The following GPR158 variants were observed in gnomAD, a reference collection of about 807,000 sequenced individuals.
GPR158 encodes the protein G protein-coupled receptor 158, also known as metabotropic glycine receptor.
A neutral mutation model predicts 78.2 loss-of-function variants in GPR158; 30 were observed. That is an observed-to-expected ratio of 0.38 (90% CI 0.29 to 0.52). The LOEUF (loss-of-function observed/expected upper bound fraction) is 0.52. GPR158 is among the 20% of genes least tolerant of loss of function. The probability of loss-of-function intolerance (pLI) is 0.83; values close to 1 mark genes in which losing one functional copy is unlikely to be tolerated. For synonymous variants in GPR158, 581 were observed against 591.1 expected, an observed-to-expected ratio of 0.98 and a Z score of 0.25; for missense variants, 1,463 against 1,523.5, an observed-to-expected ratio of 0.96 and a Z score of 0.66.
At chr10:25,496,768 C>T (rs557079488) in intron 5 of GPR158, among the ~76,000 whole-genome samples, 1 of 152,274 alleles carries the variant, frequency 6.6e-6, no homozygotes, top group Non-Finnish European at 1.5e-5. Flanking sequence ...GAGGGAGAAA[C>T]AGAAAAGAGC....
chr10:25,323,714 T>G (rs1004492901), intron 2 of GPR158, among the ~76,000 whole-genome samples: 9 of 151,744 alleles, frequency 5.9e-5, no homozygotes, highest in African/African-American at 2.2e-4. Flanking sequence ...GACAGGTTCT[T>G]TCTATGTTGC....
chr10:25,309,422 G>A (rs1266028733), intron 2 of GPR158, among the ~76,000 whole-genome samples: 1 of 151,848 alleles, frequency 6.6e-6, no homozygotes, highest in Non-Finnish European at 1.5e-5. Flanking sequence ...TTGTTATTGA[G>A]TTTTAAGAGT....
At chr10:25,270,097 T>C (rs1854097951) in intron 2 of GPR158, among the ~76,000 whole-genome samples, 1 of 152,158 alleles carries the variant, frequency 6.6e-6, no homozygotes, top group African/African-American at 2.4e-5. Context: ...GCTGTAGACC[T>C]TGAGGACACA....
intron 2 of GPR158, among the ~76,000 whole-genome samples, chr10:25,373,322 A>G (rs567836638): frequency 1.1e-4 from 17 of 152,044 alleles, no homozygotes; most frequent in African/African-American, 2.9e-4. Flanking sequence ...GGATCAGAGA[A>G]AAAAAAACTG....
chr10:25,232,805 C>T (rs1212470033), intron 2 of GPR158, among the ~76,000 whole-genome samples: 29 of 152,012 alleles, frequency 1.9e-4, no homozygotes, highest in Non-Finnish European at 7.4e-5. Context: ...TTTTTTGCCC[C>T]CCTCTTCTTT....
chr10:25,408,820 G>C (rs767941574), intron 3 of GPR158, among the ~76,000 whole-genome samples: 53 of 152,018 alleles, frequency 3.5e-4, no homozygotes, highest in Non-Finnish European at 6.9e-4. Flanking sequence ...GTTTTGAATG[G>C]CTTTGTTTAA....
intron 2 of GPR158, among the ~76,000 whole-genome samples, chr10:25,357,476 C>T (rs1227691167): frequency 2.0e-5 from 3 of 152,102 alleles, no homozygotes; most frequent in Non-Finnish European, 4.4e-5. Context: ...GCCCAAGGTC[C>T]CCAATGCTTT....
At chr10:25,271,081 C>T (rs961375040) in intron 2 of GPR158, among the ~76,000 whole-genome samples, 4 of 152,192 alleles carry the variant, frequency 2.6e-5, no homozygotes, top group South Asian at 2.1e-4. Flanking sequence ...AGCTGCCTCC[C>T]ACCTCAGGAC....
chr10:25,435,931 G>C (rs1255357102), intron 4 of GPR158, among the ~76,000 whole-genome samples: 1 of 152,136 alleles, frequency 6.6e-6, no homozygotes, highest in African/African-American at 2.4e-5. Context: ...TAATAAATTT[G>C]ATGTGAGGGG....
At chr10:25,579,151 ATTT>A (rs967956470) in intron 7 of GPR158, among the ~76,000 whole-genome samples, 2 of 146,402 alleles carry the variant, frequency 1.4e-5, no homozygotes, top group Non-Finnish European at 3.0e-5. Context: ...CGACTGTCAG[ATTT>A]TTTTTTTTTT....
chr10:25,485,411 C>T (rs567069649), intron 5 of GPR158, among the ~76,000 whole-genome samples: 1 of 151,826 alleles, frequency 6.6e-6, no homozygotes, highest in South Asian at 2.1e-4. Flanking sequence ...AATAAAAGCC[C>T]ACCCTAAAAA....
intron 1 of GPR158, among the ~76,000 whole-genome samples, chr10:25,184,449 G>C (rs1852654681): frequency 6.6e-6 from 1 of 152,182 alleles, no homozygotes; most frequent in East Asian, 1.9e-4. Context: ...CTCAGCTCCT[G>C]CTGTATATAA....
Position 25,600,627 on chromosome 10 carries a change from CTG to C in GPR158, c.*1354_*1355del, listed in dbSNP as rs1159976812. ...TTGCTTCAGCTACAGGTAGAACTTG[CTG>C]GGCTCAAATCCCAAAGAGGTTTTAT... is the stretch of plus-strand genomic sequence containing the variant. On this transcript the variant is annotated 3_prime_UTR_variant, in exon 11 of 11. Coordinates refer to ENST00000376351, the MANE Select transcript of GPR158 (RefSeq NM_020752.3). 12 of 152,550 alleles carry C rather than the reference CTG, an allele frequency of 7.9e-5. No individual in the cohort carries two copies. Among genetic ancestry groups the C allele is most frequent in the Non-Finnish European group, 1.2e-4 (8 of 68,034 alleles). The allele number at this position is 152,550 out of a possible 1,614,324, so 9.4% of individuals were successfully genotyped here. A position where few individuals can be genotyped will look rare whatever the true frequency, so the allele number is the denominator to read the frequency against.
At chr10:25,267,732 A>G (rs956631573) in intron 2 of GPR158, among the ~76,000 whole-genome samples, 4 of 150,936 alleles carry the variant, frequency 2.7e-5, no homozygotes, top group African/African-American at 9.9e-5. Context: ...CTGTGGTTGA[A>G]CCCAATGTTG....
chr10:25,314,724 A>G (rs1854820419), intron 2 of GPR158, among the ~76,000 whole-genome samples: 1 of 150,182 alleles, frequency 6.7e-6, no homozygotes, highest in Non-Finnish European at 1.5e-5. Context: ...CGTGTTTAAG[A>G]CTATAAATTT....
chr10:25,557,585 C>A (rs1263652780), intron 6 of GPR158, among the ~76,000 whole-genome samples: 1 of 152,056 alleles, frequency 6.6e-6, no homozygotes, highest in Admixed American at 6.5e-5. Flanking sequence ...CATGCAGAGG[C>A]CCCCAGCTAA....
At chr10:25,416,501 C>T (rs932783797) in intron 4 of GPR158, among the ~76,000 whole-genome samples, 2 of 152,170 alleles carry the variant, frequency 1.3e-5, no homozygotes, top group African/African-American at 2.4e-5. Flanking sequence ...TCCCCATCCT[C>T]AAAATGAGAA....
intron 2 of GPR158, among the ~76,000 whole-genome samples, chr10:25,350,204 G>A (rs1029431554): frequency 5.3e-5 from 8 of 151,832 alleles, no homozygotes; most frequent in African/African-American, 1.7e-4. Context: ...GCATGGGATG[G>A]GAGGGGCAAC....
intron 6 of GPR158, among the ~76,000 whole-genome samples, chr10:25,551,787 G>A (rs573169298): frequency 6.6e-5 from 10 of 152,244 alleles, no homozygotes; most frequent in African/African-American, 2.4e-4. Flanking sequence ...GAATTAAGTG[G>A]TGCCAAAGAG....
Sources: allele counts gnomAD v4.1 joint callset (sites outside exome capture counted in the v4.1 genomes callset), GRCh38; gene constraint gnomAD v4.1.1; transcripts MANE v1.5; gene names NCBI Gene and HGNC (gene_info 2026-07-23, HGNC 2026-07-21).